IGSF22: variants seen among roughly 807,000 people sequenced by gnomAD.
IGSF22 encodes immunoglobulin superfamily, member 22.
In IGSF22, 119 loss-of-function variants were observed where a neutral mutation model predicts 127.0. The ratio of observed to expected loss-of-function variants is 0.94; its 90% CI spans 0.81 to 1.09. The LOEUF is 1.09. IGSF22 is among the 50% of genes least tolerant of loss of function. IGSF22 has a pLI of 0.00. For missense variants in IGSF22, 1,518 were observed against 1,716.6 expected, an observed-to-expected ratio of 0.88 and a Z score of 2.04; for synonymous variants, 568 against 664.7, an observed-to-expected ratio of 0.85 and a Z score of 2.24.
intron 13 of IGSF22, 60 bp from the exon 14 acceptor site, chr11:18,714,208 G>T: frequency 6.3e-7 from 1 of 1,593,278 alleles, no homozygotes; most frequent in Non-Finnish European, 8.6e-7. Context: ...CATGGGGCGG[G>T]GGAGAAGCCA....
intron 2 of IGSF22, among the ~76,000 whole-genome samples, chr11:18,723,271 C>G (rs1848602722): frequency 6.6e-6 from 1 of 152,254 alleles, no homozygotes. Flanking sequence ...CCTCACACCC[C>G]CTGCACTAAG....
At position 18,721,992 on chromosome 11, in the gene IGSF22, T is replaced by TA. The variant is rs1848583280; in HGVS notation, c.158dup (p.Leu53PhefsTer16). 3.1e-6 allele frequency: 5 copies of TA among 1,614,060 alleles called. No individual in the cohort carries two copies. Among genetic ancestry groups the TA allele is most frequent in the Non-Finnish European group, 4.2e-6 (5 of 1,180,022 alleles). On this transcript the variant is annotated frameshift_variant, in exon 3 of 23. Transcript: ENST00000513874. LOFTEE classifies it high-confidence loss of function. ...CAGGGATGTTTGAGCTCCGGGTCAC[T>TA]AAGCTGAAGAACTCCACTATGCTCG...
In IGSF22 at chr11:18,709,734, T is replaced by A; in HGVS notation, c.2702-51A>T. 1 of 1,553,700 alleles carries A rather than the reference T, an allele frequency of 6.4e-7. No individual in the cohort carries two copies. ...GCCCCTCCAACTCATCTCCACTCAATGCCTTGCTCACTTCCCACACTCAAT... is the reference window on the plus strand; with the variant it reads ...GCCCCTCCAACTCATCTCCACTCAAAGCCTTGCTCACTTCCCACACTCAAT... On this transcript the variant is annotated intron_variant, in intron 17 of 22. Transcript: ENST00000513874. This position sits in a 1 kb window ranked among gnomAD's most constrained non-coding sequence, Gnocchi z 4.8.
At chr11:18,707,750 G>A (rs2134157434) in intron 20 of IGSF22, 54 bp downstream of exon 20, 1 of 1,461,978 alleles carries the variant, frequency 6.8e-7, no homozygotes, top group South Asian at 1.2e-5. Flanking sequence ...GGGGAGCTGT[G>A]CTTTGGAGAG....
Position 18,706,215 on chromosome 11 carries a change from G to T in IGSF22, c.3581-69C>A, listed in dbSNP as rs1233231632. On this transcript the variant is annotated intron_variant, in intron 21 of 22. Coordinates refer to ENST00000513874, the MANE Select transcript of IGSF22 (RefSeq NM_173588.4). Reference sequence around the variant, plus strand: ...CCCCACCCACCACCCACGTCTTACAGTTCAGCTTACACGGAACCCCGAGGA... The same window carrying T: ...CCCCACCCACCACCCACGTCTTACATTTCAGCTTACACGGAACCCCGAGGA... 8 of 1,405,532 alleles carry T rather than the reference G, an allele frequency of 5.7e-6. No individual in the cohort carries two copies. In the Admixed American group the frequency reaches 1.9e-4, roughly 33 times the overall value. The allele number at this position is 1,405,532 out of a possible 1,614,324, so 87.1% of individuals were successfully genotyped here. A position where few individuals can be genotyped will look rare whatever the true frequency, so the allele number is the denominator to read the frequency against.
chr11:18,717,122 CT>C, intron 9 of IGSF22, 122 bp from the exon 10 acceptor site: 1 of 1,130,574 alleles, frequency 8.8e-7, no homozygotes, highest in Non-Finnish European at 1.2e-6. Flanking sequence ...AGCACCCTGC[CT>C]TTGGTTTTGT....
intron 2 of IGSF22, among the ~76,000 whole-genome samples, chr11:18,722,869 T>C (rs1310178047): frequency 1.3e-5 from 2 of 152,232 alleles, no homozygotes; most frequent in Non-Finnish European, 2.9e-5. Flanking sequence ...TTTTAAATAC[T>C]AACAAGAGGT....
Position 18,710,776 on chromosome 11 carries a change from G to A in IGSF22, c.2451C>T (p.Ala817=), listed in dbSNP as rs751622221. ...QPQVTDVTKE[A]VTITWNAPTQ... ...TAGGGGCATTCCACGTGATGGTCAC[G>A]GCTTCTTTAGTCACATCAGTCACTT... Residue 817 remains alanine, a synonymous_variant, in exon 16 of 23, where the codon GCC becomes GCT. Coordinates refer to ENST00000513874, the MANE Select transcript of IGSF22 (RefSeq NM_173588.4). 23 of 1,614,072 alleles carry A rather than the reference G, an allele frequency of 1.4e-5. No individual in the cohort carries two copies. The highest frequency in any genetic ancestry group is 1.6e-4 in the Middle Eastern group (1 of 6,084).
In IGSF22 at chr11:18,704,442, TCCTGATG is replaced by T. The variant is rs1281133846; in HGVS notation, c.*19_*25del. 1.1e-5 allele frequency: 16 copies of T among 1,513,578 alleles called. 1 individual carries two copies. The highest frequency in any genetic ancestry group is 1.7e-4 in the Middle Eastern group (1 of 5,942). 93.8% of individuals were successfully genotyped at this position (1,513,578 alleles called of 1,614,324 possible). Reference sequence around the variant, plus strand: ...CAAGAAACTCCACATCATAACAGCCTCCTGATGCCTGGGCTTGGCTGGAGCTCACATG... The same window carrying T: ...CAAGAAACTCCACATCATAACAGCCTCCTGGGCTTGGCTGGAGCTCACATG... On this transcript the variant is annotated 3_prime_UTR_variant, in exon 23 of 23. Transcript: ENST00000513874.
Position 18,709,435 on chromosome 11 carries a change from C to G in IGSF22, c.2950G>C (p.Gly984Arg), listed in dbSNP as rs761996275. 1 of 1,614,196 alleles carries G rather than the reference C, an allele frequency of 6.2e-7. No individual in the cohort carries two copies. Among genetic ancestry groups the G allele is most frequent in the South Asian group, 1.1e-5 (1 of 91,082 alleles). The part of the protein sequence containing the change: ...RIRAVNEAGV[G>R]EPVELDKGVR... ...CCCTTGTCTAGCTCCACAGGCTCCC[C>G]AACCCCAGCCTCATTCACAGCCCGG... Residue 984 changes from glycine to arginine, a missense_variant, in exon 18 of 23, where the codon GGG (glycine) becomes CGG (arginine). Physicochemically the swap from Gly to Arg is moderately radical, Grantham distance 125. This residue lies in a region of IGSF22 where 1,456 missense variants were observed against 1,644.9 expected (regional missense o/e 0.89). Transcript: ENST00000513874. The surrounding 1 kb of genome is among the most constrained non-coding windows in gnomAD (Gnocchi z 4.8).
Position 18,719,738 on chromosome 11 carries a change from A to T in IGSF22, c.674T>A (p.Met225Lys), listed in dbSNP as rs1470887891. 2 of 1,614,072 alleles carry T rather than the reference A, an allele frequency of 1.2e-6. No homozygotes were observed. Among genetic ancestry groups the T allele is most frequent in the South Asian group, 1.1e-5 (1 of 91,076 alleles). The change falls in exon 7 of 23, where the codon ATG (methionine) becomes AAG (lysine). Residue 225 changes from methionine (M) to lysine (K), a missense_variant. By Grantham distance (95) the Met-to-Lys change is moderately conservative (BLOSUM62 -1). Coordinates refer to ENST00000513874, the MANE Select transcript of IGSF22 (RefSeq NM_173588.4). ...FRGLLRKLKE[M>K]KKKVEVEAIR... ...TACCTCCACCTCTACTTTCTTCTTCATCTCTTTGAGCTTCCTGAGCAGCCC... is the reference window on the plus strand; with the variant it reads ...TACCTCCACCTCTACTTTCTTCTTCTTCTCTTTGAGCTTCCTGAGCAGCCC...
At chr11:18,717,190 C>T (rs1185214713) in intron 9 of IGSF22, among the ~76,000 whole-genome samples, 190 bp from the exon 10 acceptor site, 2 of 152,168 alleles carry the variant, frequency 1.3e-5, no homozygotes, top group East Asian at 1.9e-4. Context: ...GTCTTCTCCC[C>T]AGTAATGGTA....
chr11:18,718,557 G>T, intron 8 of IGSF22, 58 bp downstream of exon 8: 1 of 938,716 alleles, frequency 1.1e-6, no homozygotes. Flanking sequence ...TACAGTGAGA[G>T]AAGGGGGTAG....
intron 2 of IGSF22, among the ~76,000 whole-genome samples, chr11:18,722,701 G>C (rs1316175812): frequency 3.3e-5 from 5 of 152,196 alleles, no homozygotes; most frequent in Non-Finnish European, 7.3e-5. Context: ...CAATTGCTCT[G>C]AATCATGGAA....
chr11:18,710,876 A>G (rs1387156038), intron 15 of IGSF22, 48 bp from the exon 16 acceptor site: 1 of 1,526,924 alleles, frequency 6.5e-7, no homozygotes, highest in South Asian at 1.1e-5. Context: ...GAGCATGTAG[A>G]TATTTGCCCA....
intron 21 of IGSF22, 45 bp from the exon 22 acceptor site, chr11:18,706,191 C>T (rs934668709): frequency 1.0e-5 from 15 of 1,486,164 alleles, no homozygotes; most frequent in Non-Finnish European, 1.3e-5. Context: ...CCCCAAGGCC[C>T]CCACCCACCA....
rs752096736 is a variant in IGSF22 at position 18,714,290 on chromosome 11, A to G, written c.1785T>C (p.Ser595=). 2.5e-6 allele frequency: 4 copies of G among 1,613,708 alleles called. No homozygotes were observed. Among genetic ancestry groups the G allele is most frequent in the Non-Finnish European group, 3.4e-6 (4 of 1,179,802 alleles). Residue 595 remains serine (S), a synonymous_variant, in exon 13 of 23, where the codon TCT becomes TCC. Coordinates refer to ENST00000513874, the MANE Select transcript of IGSF22 (RefSeq NM_173588.4). The part of the protein sequence containing the change: ...FRAKGTESEA[S]VFIADPPTID... ...ACAGATCCATACCTGCGATGAATACAGAGGCTTCACTTTCCGTGCCCTTGG... is the reference window on the plus strand; with the variant it reads ...ACAGATCCATACCTGCGATGAATACGGAGGCTTCACTTTCCGTGCCCTTGG...
intron 1 of IGSF22, among the ~76,000 whole-genome samples, chr11:18,724,841 ATAGT>A (rs962903776): frequency 5.3e-5 from 8 of 152,296 alleles, no homozygotes; most frequent in Middle Eastern, 3.4e-3. Context: ...ATTCAATCAC[ATAGT>A]TAAAGAATAA....
chr11:18,721,154 C>T (rs555267570), intron 4 of IGSF22, among the ~76,000 whole-genome samples: 2 of 152,324 alleles, frequency 1.3e-5, no homozygotes, highest in Non-Finnish European at 2.9e-5. Flanking sequence ...CGGCGAGTCC[C>T]TCCGGCACCT....
Sources: allele counts gnomAD v4.1 joint callset (sites outside exome capture counted in the v4.1 genomes callset), GRCh38; gene constraint gnomAD v4.1.1; regional missense constraint gnomAD v4.1.1; non-coding constraint Gnocchi (gnomAD v3.1); transcripts MANE v1.5; gene names NCBI Gene and HGNC (gene_info 2026-07-23, HGNC 2026-07-21).